COL21A1: variants seen among roughly 807,000 people sequenced by gnomAD.
COL21A1 encodes the protein collagen type XXI alpha 1 chain, also known as collagen alpha-1(XXI) chain.
COL21A1 carries 149 observed loss-of-function variants against 137.9 expected under a neutral mutation model. The ratio of observed to expected loss-of-function variants is 1.08; its 90% CI spans 0.95 to 1.24. The LOEUF is 1.24. COL21A1 is among the 50% of genes most tolerant of loss of function. The pLI, the probability that COL21A1 is intolerant of heterozygous loss-of-function variation, is 0.00. For synonymous variants in COL21A1, 456 were observed against 391.5 expected (o/e 1.16, Z -1.95); for missense variants, 1,167 against 1,158.4 (o/e 1.01, Z -0.11).
intron 12 of COL21A1, among the ~76,000 whole-genome samples, chr6:56,131,011 G>T (rs774907764): frequency 4.6e-5 from 7 of 152,056 alleles, no homozygotes; most frequent in African/African-American, 7.2e-5. Flanking sequence ...TGAGCCACTG[G>T]GTCATTTGTT....
intron 17 of COL21A1, 148 bp downstream of exon 17, chr6:56,101,324 G>T: frequency 1.4e-6 from 1 of 696,052 alleles, no homozygotes; most frequent in South Asian, 1.7e-5. Flanking sequence ...ATTTTATGGT[G>T]TTTCACAAGC....
intron 1 of COL21A1, among the ~76,000 whole-genome samples, chr6:56,243,385 A>C (rs1414387170): frequency 6.6e-6 from 1 of 152,138 alleles, no homozygotes; most frequent in Non-Finnish European, 1.5e-5. Flanking sequence ...TGTTGTTCTA[A>C]ATTTATTATT....
At position 56,108,683 on chromosome 6, in the gene COL21A1, CCAAA is replaced by C. The variant is rs146664260; in HGVS notation, c.1759-7162_1759-7159del. Among the ~76,000 whole-genome samples, 607 of 151,734 alleles carry C rather than the reference CCAAA, an allele frequency of 4.0e-3. 3 individuals carry two copies. Among genetic ancestry groups the C allele is most frequent in the African/African-American group, 0.013 (537 of 41,468 alleles). On this transcript the variant is annotated intron_variant, in intron 16 of 29. Transcript: ENST00000244728. ...TATACCACTCTCTGTTCAAGACAGG[CCAAA>C]CAAACAAAGAATTAAGTTATAGAAG... is the stretch of plus-strand genomic sequence containing the variant.
chr6:56,195,240 T>A (rs1403114654), intron 1 of COL21A1, among the ~76,000 whole-genome samples: 3 of 152,212 alleles, frequency 2.0e-5, no homozygotes, highest in Non-Finnish European at 4.4e-5. Context: ...CTAAAACAAC[T>A]TCTAGCAAGC....
chr6:56,059,443 G>A (rs1765604033), intron 28 of COL21A1, among the ~76,000 whole-genome samples: 4 of 152,014 alleles, frequency 2.6e-5, no homozygotes, highest in Admixed American at 2.6e-4. Flanking sequence ...AGACTTAATG[G>A]GAATCAAATA....
At chr6:56,334,149 C>T (rs1015462497) in intron 1 of COL21A1, among the ~76,000 whole-genome samples, 1 of 152,010 alleles carries the variant, frequency 6.6e-6, no homozygotes, top group African/African-American at 2.4e-5. Flanking sequence ...AATTTGGGTC[C>T]TTTCTGTTAT....
At chr6:56,068,953 A>T in intron 22 of COL21A1, 93 bp downstream of exon 22, 1 of 767,188 alleles carries the variant, frequency 1.3e-6, no homozygotes, top group Non-Finnish European at 2.2e-6. Context: ...AAAATATATT[A>T]ATAACAAGTC....
In COL21A1 at chr6:56,060,986, C is replaced by A. The variant is rs1765750654; in HGVS notation, c.2257G>T (p.Glu753Ter). 6.2e-7 allele frequency: 1 copy of A among 1,609,898 alleles called. No individual in the cohort carries two copies. Among genetic ancestry groups the A allele is most frequent in the Non-Finnish European group, 8.5e-7 (1 of 1,178,382 alleles). The part of the protein sequence containing the change: ...GVRGAIGSKG[E>*]SGVDGLMGPA... ...CCCATCAAGCCATCCACCCCAGATTCTCCTTTTGATCCAATGGCACCTCGG... is the reference window on the plus strand; with the variant it reads ...CCCATCAAGCCATCCACCCCAGATTATCCTTTTGATCCAATGGCACCTCGG... The change falls in exon 26 of 30, where the codon GAA (glutamate) becomes TAA (stop). Residue 753 changes from glutamate (E) to a stop codon, truncating the protein, a stop_gained. Coordinates refer to ENST00000244728, the MANE Select transcript of COL21A1 (RefSeq NM_030820.4). LOFTEE classifies it high-confidence loss of function.
intron 24 of COL21A1, among the ~76,000 whole-genome samples, chr6:56,063,352 T>C (rs1765973895): frequency 6.6e-6 from 1 of 152,136 alleles, no homozygotes; most frequent in Non-Finnish European, 1.5e-5. Context: ...GTCTGGGCTG[T>C]AGAGGTTAAA....
intron 1 of COL21A1, among the ~76,000 whole-genome samples, chr6:56,192,098 G>A (rs1378657687): frequency 6.6e-6 from 1 of 152,004 alleles, no homozygotes; most frequent in Non-Finnish European, 1.5e-5. Flanking sequence ...CAAGCAACAG[G>A]GAAAAGATTC....
At chr6:56,204,486 T>A (rs955111593) in intron 1 of COL21A1, among the ~76,000 whole-genome samples, 10 of 151,914 alleles carry the variant, frequency 6.6e-5, no homozygotes, top group African/African-American at 1.2e-4. Context: ...CCAGCCAGGG[T>A]CTGATAAGAT....
At chr6:56,279,883 G>T (rs1763753105) in intron 1 of COL21A1, among the ~76,000 whole-genome samples, 1 of 152,042 alleles carries the variant, frequency 6.6e-6, no homozygotes, top group Non-Finnish European at 1.5e-5. Context: ...AGTAATCTAG[G>T]TTAATGTTTA....
chr6:56,310,760 A>G (rs1764593654), intron 1 of COL21A1, among the ~76,000 whole-genome samples: 1 of 152,180 alleles, frequency 6.6e-6, no homozygotes, highest in African/African-American at 2.4e-5. Context: ...TATACAGACC[A>G]AATGAAGAAA....
intron 1 of COL21A1, among the ~76,000 whole-genome samples, chr6:56,347,517 T>TAAA (rs373385667): frequency 1.1e-4 from 14 of 127,162 alleles, no homozygotes; most frequent in African/African-American, 3.0e-4. Flanking sequence ...AGGAAGCATT[T>TAAA]AAAAAAAAAA....
intron 1 of COL21A1, among the ~76,000 whole-genome samples, chr6:56,366,047 GAA>G (rs1483333745): frequency 6.6e-6 from 1 of 152,140 alleles, no homozygotes. Flanking sequence ...AAAATTCAAG[GAA>G]AAGGTTAATG....
intron 10 of COL21A1, among the ~76,000 whole-genome samples, chr6:56,147,704 ATATC>A (rs1341245272): frequency 2.0e-5 from 3 of 152,132 alleles, no homozygotes; most frequent in Admixed American, 6.5e-5. Flanking sequence ...CCTATAATAT[ATATC>A]TAAGTAATCT....
chr6:56,113,740 T>C (rs1009704051), intron 16 of COL21A1, among the ~76,000 whole-genome samples: 2 of 152,016 alleles, frequency 1.3e-5, no homozygotes, highest in African/African-American at 4.8e-5. Flanking sequence ...CACGGGGAAG[T>C]AGAGCACCAA....
chr6:56,201,094 A>G (rs901618608), intron 1 of COL21A1, among the ~76,000 whole-genome samples: 28 of 152,150 alleles, frequency 1.8e-4, no homozygotes, highest in Non-Finnish European at 3.8e-4. Context: ...TGGCTGCATA[A>G]ATGTCTTCTT....
chr6:56,351,577 C>T (rs1325678039), intron 1 of COL21A1, among the ~76,000 whole-genome samples: 3 of 152,186 alleles, frequency 2.0e-5, no homozygotes, highest in Non-Finnish European at 4.4e-5. Flanking sequence ...AACCCAAGTC[C>T]TGGGATCAGC....
Sources: gnomAD v4.1 joint callset for allele counts (sites outside exome capture counted in the v4.1 genomes callset) on GRCh38, gnomAD v4.1.1 for gene constraint, MANE v1.5 for transcripts, NCBI Gene and HGNC (gene_info 2026-07-23, HGNC 2026-07-21) for gene names.